SGPP2: variants seen among roughly 807,000 people sequenced by gnomAD.
SGPP2 encodes sphingosine 1-phosphate phosphohydrolase 2.
SGPP2 carries 30 observed loss-of-function variants against 33.9 expected under a neutral mutation model. The ratio of observed to expected loss-of-function variants is 0.89; its 90% CI spans 0.66 to 1.20. SGPP2 has a LOEUF of 1.20. Among genes scored for constraint, SGPP2 ranks in the 50% most tolerant of loss-of-function variants. The pLI, the probability that SGPP2 is intolerant of heterozygous loss-of-function variation, is 0.00. For missense variants in SGPP2, 458 were observed against 532.1 expected (o/e 0.86, Z 1.37); for synonymous variants, 233 against 225.0 (o/e 1.04, Z -0.32).
At chr2:222,511,355 A>G (rs568993064) in intron 2 of SGPP2, among the ~76,000 whole-genome samples, 3 of 152,340 alleles carry the variant, frequency 2.0e-5, no homozygotes, top group African/African-American at 7.2e-5. Context: ...CAGAAGAAGA[A>G]AATAGGCTAA....
intron 3 of SGPP2, among the ~76,000 whole-genome samples, chr2:222,522,596 TCTC>T (rs2106134562): frequency 6.6e-6 from 1 of 152,372 alleles, no homozygotes; most frequent in Non-Finnish European, 1.5e-5. Flanking sequence ...AAGTTATTTT[TCTC>T]CTATTTGAGA....
chr2:222,548,980 G>C (rs1689247981), intron 4 of SGPP2, among the ~76,000 whole-genome samples: 1 of 152,156 alleles, frequency 6.6e-6, no homozygotes, highest in African/African-American at 2.4e-5. Flanking sequence ...GCAGTGTTTT[G>C]GTTTGTTTCA....
At chr2:222,493,437 A>G (rs1420623748) in intron 2 of SGPP2, among the ~76,000 whole-genome samples, 1 of 152,066 alleles carries the variant, frequency 6.6e-6, no homozygotes, top group Non-Finnish European at 1.5e-5. Context: ...ATTACTTCCC[A>G]CCTGGGCCCT....
At chr2:222,490,604 ATTT>A (rs60235375) in intron 2 of SGPP2, among the ~76,000 whole-genome samples, 2 of 115,434 alleles carry the variant, frequency 1.7e-5, no homozygotes, top group African/African-American at 3.1e-5. Flanking sequence ...CACCTGGCTA[ATTT>A]TTTTTTTTTT....
chr2:222,444,995 C>A (rs1232340748), intron 1 of SGPP2, among the ~76,000 whole-genome samples: 1 of 152,050 alleles, frequency 6.6e-6, no homozygotes, highest in Non-Finnish European at 1.5e-5. Flanking sequence ...CTGACCAGAC[C>A]CCGACCCAGG....
intron 1 of SGPP2, among the ~76,000 whole-genome samples, chr2:222,474,145 A>G (rs886506123): frequency 3.3e-5 from 5 of 152,204 alleles, no homozygotes; most frequent in Non-Finnish European, 7.3e-5. Flanking sequence ...GCATATTTCA[A>G]GTCTCTTTTG....
chr2:222,475,760 A>G (rs1697923899), intron 2 of SGPP2, among the ~76,000 whole-genome samples: 1 of 152,190 alleles, frequency 6.6e-6, no homozygotes, highest in Non-Finnish European at 1.5e-5. Flanking sequence ...GATGGTAGTC[A>G]TTTGCAAGGC....
rs1559180390 is a variant in SGPP2 at position 222,559,169 on chromosome 2, CCCCCCCG to C, written c.*275_*281del. The C allele has an allele frequency of 2.0e-4, 23 of 112,600 alleles. 1 individual carries two copies. Among genetic ancestry groups the C allele is most frequent in the African/African-American group, 8.7e-4 (19 of 21,860 alleles). The allele number at this position is 112,600 out of a possible 1,614,324, so 7.0% of individuals were successfully genotyped here. A position where few individuals can be genotyped will look rare whatever the true frequency, so the allele number is the denominator to read the frequency against. ...TTAAAGGCACACACCGCGCCCCCCC[CCCCCCCG>C]CCCGGCCCCTGCTCCTCTCGCTGTT... On this transcript the variant is annotated 3_prime_UTR_variant, in exon 5 of 5. Transcript: ENST00000321276.
chr2:222,454,295 C>T (rs1697537720), intron 1 of SGPP2, among the ~76,000 whole-genome samples: 1 of 152,138 alleles, frequency 6.6e-6, no homozygotes, highest in African/African-American at 2.4e-5. Flanking sequence ...TTGAGAGATG[C>T]TGTTCCCATT....
chr2:222,529,796 C>T (rs148481858), intron 4 of SGPP2, among the ~76,000 whole-genome samples: 80 of 152,344 alleles, frequency 5.3e-4, no homozygotes, highest in African/African-American at 1.8e-3. Context: ...TTAATGGCAT[C>T]TAGAATGGTG....
At chr2:222,455,897 G>C (rs1697566135) in intron 1 of SGPP2, among the ~76,000 whole-genome samples, 1 of 152,060 alleles carries the variant, frequency 6.6e-6, no homozygotes, top group Admixed American at 6.6e-5. Flanking sequence ...GTGAGACCCT[G>C]TTTCTACAAA....
chr2:222,450,733 TCCCAGACCAAATCCTGGGGTTTGA>T (rs1480355456), intron 1 of SGPP2, among the ~76,000 whole-genome samples: 1 of 152,082 alleles, frequency 6.6e-6, no homozygotes, highest in Non-Finnish European at 1.5e-5. Context: ...TCCCTCCCAC[TCCCAGACCAAATCCTGGGGTTTGA>T]AAAGGGGGTT....
intron 4 of SGPP2, among the ~76,000 whole-genome samples, chr2:222,529,369 C>G (rs897149566): frequency 1.3e-5 from 2 of 152,114 alleles, no homozygotes; most frequent in African/African-American, 2.4e-5. Flanking sequence ...GAGTCTCACT[C>G]TGTCACCCAG....
upstream of SGPP2, chr2:222,424,534 A>G (rs2106049479): frequency 8.5e-6 from 9 of 1,061,658 alleles, no homozygotes; most frequent in Non-Finnish European, 1.1e-5. Context: ...GCGAGGCGGG[A>G]GTGGCGGTGC....
chr2:222,499,559 T>C (rs1394687874), intron 2 of SGPP2, among the ~76,000 whole-genome samples: 2 of 152,020 alleles, frequency 1.3e-5, no homozygotes, highest in Non-Finnish European at 2.9e-5. Context: ...TAATGAAGCC[T>C]TATTGCCAAA....
rs556525983 is a variant in SGPP2, at chr2:222,429,475, T to C, written c.219+4654T>C. 2.0e-5 allele frequency among the ~76,000 whole-genome samples: 3 copies of C among 152,368 alleles called. No individual in the cohort carries two copies. In the South Asian group the frequency reaches 6.2e-4, roughly 32 times the overall value. On this transcript the variant is annotated intron_variant, in intron 1 of 4. Coordinates refer to ENST00000321276, the MANE Select transcript of SGPP2 (RefSeq NM_152386.4). The stretch of plus-strand genomic sequence containing the variant: ...CGAAAGAATATATTTGATCTTTTTT[T>C]CTAGTTACAGATATCATCATTGTTC...
At chr2:222,488,939 T>C (rs571020608) in intron 2 of SGPP2, among the ~76,000 whole-genome samples, 60 of 152,230 alleles carry the variant, frequency 3.9e-4, no homozygotes, top group Non-Finnish European at 7.8e-4. Context: ...GCTTTTCAAA[T>C]ACATAGCAAT....
At chr2:222,461,815 C>G (rs1178527509) in intron 1 of SGPP2, among the ~76,000 whole-genome samples, 1 of 152,148 alleles carries the variant, frequency 6.6e-6, no homozygotes, top group East Asian at 1.9e-4. Context: ...CTAATGGAAC[C>G]AGTCCATGGC....
intron 4 of SGPP2, among the ~76,000 whole-genome samples, chr2:222,556,291 A>G (rs1689398000): frequency 6.6e-6 from 1 of 152,056 alleles, no homozygotes; most frequent in African/African-American, 2.4e-5. Flanking sequence ...TACACCCAAG[A>G]AAAGAAACCA....
Sources: gnomAD v4.1 joint callset for allele counts (sites outside exome capture counted in the v4.1 genomes callset) on GRCh38, gnomAD v4.1.1 for gene constraint, MANE v1.5 for transcripts, NCBI Gene and HGNC (gene_info 2026-07-23, HGNC 2026-07-21) for gene names.